The following MLLT10 variants were observed in gnomAD, a reference collection of about 807,000 sequenced individuals.
MLLT10 encodes the protein protein AF-10.
MLLT10 carries 30 observed loss-of-function variants against 129.1 expected under a neutral mutation model. The observed-to-expected ratio is 0.23, with a 90% CI of 0.17 to 0.32. The LOEUF is 0.32. Ranked by LOEUF, MLLT10 falls within the 10% of genes least tolerant of loss-of-function variation. The pLI, the probability that MLLT10 is intolerant of heterozygous loss-of-function variation, is 1.00. For missense variants in MLLT10, 1,119 were observed against 1,268.3 expected, an observed-to-expected ratio of 0.88 and a Z score of 1.79; for synonymous variants, 490 against 446.4, an observed-to-expected ratio of 1.10 and a Z score of -1.23.
intron 3 of MLLT10, among the ~76,000 whole-genome samples, chr10:21,565,753 G>A (rs2039466449): frequency 6.6e-6 from 1 of 151,568 alleles, no homozygotes; most frequent in Non-Finnish European, 1.5e-5. Flanking sequence ...CCACACGTGT[G>A]CACCATCACA....
intron 3 of MLLT10, among the ~76,000 whole-genome samples, chr10:21,585,325 C>G (rs1439727031): frequency 6.6e-6 from 1 of 152,106 alleles, no homozygotes; most frequent in African/African-American, 2.4e-5. Context: ...CTTGGTAAGA[C>G]AGTGCCACTG....
At chr10:21,629,110 T>C (rs75430980) in intron 8 of MLLT10, among the ~76,000 whole-genome samples, 1 of 151,890 alleles carries the variant, frequency 6.6e-6, no homozygotes, top group African/African-American at 2.4e-5. Context: ...CTTTTTTTTT[T>C]TGCTGCATGA....
chr10:21,571,812 G>T (rs1187315197), intron 3 of MLLT10, among the ~76,000 whole-genome samples: 1 of 152,182 alleles, frequency 6.6e-6, no homozygotes, highest in Non-Finnish European at 1.5e-5. Flanking sequence ...TTGAGTTGCA[G>T]AAGGTGTTTA....
intron 9 of MLLT10, among the ~76,000 whole-genome samples, chr10:21,658,981 G>A (rs906273763): frequency 3.3e-5 from 5 of 151,762 alleles, no homozygotes; most frequent in Non-Finnish European, 7.4e-5. Flanking sequence ...CTTTTTATGT[G>A]CATATTTGTT....
intron 21 of MLLT10, among the ~76,000 whole-genome samples, chr10:21,739,793 T>C (rs566325819): frequency 3.8e-4 from 58 of 152,340 alleles, no homozygotes; most frequent in African/African-American, 1.3e-3. Flanking sequence ...TCATCACGGA[T>C]AACCTAATAG....
intron 2 of MLLT10, among the ~76,000 whole-genome samples, chr10:21,535,116 C>CGGGGT (rs2033659796): frequency 2.0e-5 from 2 of 101,668 alleles, no homozygotes; most frequent in Non-Finnish European, 4.1e-5. Flanking sequence ...AGATCTGGGC[C>CGGGGT]GGGGTGGGGG....
At position 21,538,660 on chromosome 10, in the gene MLLT10, GTTAA is replaced by G. The variant is rs1262296561; in HGVS notation, c.161-168_161-165del. 5.3e-5 allele frequency among the ~76,000 whole-genome samples: 8 copies of G among 152,202 alleles called. No homozygotes were observed. The South Asian group carries it at 8.3e-4, about 16-fold the overall frequency. ...AGAGTTGCATTTAAAATTTTTACTT[GTTAA>G]TTAAGTAAGCTGTATATGTGATAAA... On this transcript the variant is annotated intron_variant, in intron 2 of 22. Coordinates refer to ENST00000307729, the MANE Select transcript of MLLT10 (RefSeq NM_001195626.3).
intron 5 of MLLT10, among the ~76,000 whole-genome samples, chr10:21,605,383 G>T (rs1224403466): frequency 6.6e-6 from 1 of 151,988 alleles, no homozygotes. Context: ...TTTTAAGTTG[G>T]ATACCATCTA....
chr10:21,704,351 CTCTCTCTATATATATA>C (rs1467813037), intron 13 of MLLT10, among the ~76,000 whole-genome samples: 10 of 62,232 alleles, frequency 1.6e-4, no homozygotes, highest in South Asian at 9.7e-4. Flanking sequence ...CTCTCTCTCT[CTCTCTCTATATATATA>C]TATATATATA....
chr10:21,730,251 ATC>A (rs2057851672), intron 16 of MLLT10, among the ~76,000 whole-genome samples: 2 of 150,376 alleles, frequency 1.3e-5, no homozygotes, highest in Non-Finnish European at 3.0e-5. Context: ...GTAGTGAGCC[ATC>A]ATTGCACCAC....
intron 4 of MLLT10, among the ~76,000 whole-genome samples, chr10:21,588,068 T>C (rs2042163421): frequency 6.6e-6 from 1 of 152,202 alleles, no homozygotes; most frequent in Admixed American, 6.5e-5. Context: ...GCTTTTCTTT[T>C]TTCTTCGATT....
chr10:21,602,222 G>C (rs1357931664), intron 5 of MLLT10, among the ~76,000 whole-genome samples: 1 of 152,176 alleles, frequency 6.6e-6, no homozygotes, highest in Non-Finnish European at 1.5e-5. Context: ...GGTTGTCCAG[G>C]TGGGCAACAA....
chr10:21,539,893 T>C (rs1294508245), intron 3 of MLLT10, among the ~76,000 whole-genome samples: 1 of 151,014 alleles, frequency 6.6e-6, no homozygotes, highest in Non-Finnish European at 1.5e-5. Flanking sequence ...TGCAGTGAGC[T>C]GAGATCATGC....
intron 5 of MLLT10, among the ~76,000 whole-genome samples, chr10:21,599,007 G>A (rs1175105002): frequency 6.6e-5 from 10 of 151,870 alleles, no homozygotes; most frequent in South Asian, 2.1e-4. Flanking sequence ...GCGAAACCCC[G>A]TCTCTACTAA....
At chr10:21,562,364 T>C (rs1402596685) in intron 3 of MLLT10, among the ~76,000 whole-genome samples, 1 of 151,632 alleles carries the variant, frequency 6.6e-6, no homozygotes, top group Non-Finnish European at 1.5e-5. Context: ...TGAGACGGCG[T>C]CTCACTCTTG....
At chr10:21,657,445 A>G (rs534654216) in intron 9 of MLLT10, among the ~76,000 whole-genome samples, 1 of 151,352 alleles carries the variant, frequency 6.6e-6, no homozygotes, top group South Asian at 2.1e-4. Context: ...TTGACCTGAT[A>G]GAGATTTGCT....
chr10:21,708,499 G>T, intron 13 of MLLT10: 1 of 888,092 alleles, frequency 1.1e-6, no homozygotes, highest in Non-Finnish European at 1.3e-6. Context: ...CATTTTCAAA[G>T]AAAGATTTAG....
chr10:21,651,735 A>C lies in MLLT10; in HGVS notation c.762A>C (p.Ala254=), dbSNP rs371791016. ...AGAAGCAGCCAGAACCATCACCTGC[A>C]TTGGTTCCATCCTTGACTGTTACTA... ...KHKKQPEPSP[A]LVPSLTVTTE... is the part of the protein sequence containing the mutation. Residue 254 remains alanine (A), a synonymous_variant, in exon 9 of 23, where the codon GCA becomes GCC. Transcript: ENST00000307729. The C allele has an allele frequency of 8.5e-5, 137 of 1,613,168 alleles. No homozygotes were observed. The highest frequency in any genetic ancestry group is 1.1e-4 in the Non-Finnish European group (131 of 1,179,488).
At chr10:21,606,017 T>A (rs1368374290) in intron 5 of MLLT10, among the ~76,000 whole-genome samples, 1 of 152,204 alleles carries the variant, frequency 6.6e-6, no homozygotes. Flanking sequence ...GCTCACTTAG[T>A]GACTCTTTGT....
Sources: gnomAD v4.1 joint callset for allele counts (sites outside exome capture counted in the v4.1 genomes callset) on GRCh38, gnomAD v4.1.1 for gene constraint, MANE v1.5 for transcripts, NCBI Gene and HGNC (gene_info 2026-07-23, HGNC 2026-07-21) for gene names.